ADPRM: variants seen among roughly 807,000 people sequenced by gnomAD.
The protein encoded by ADPRM is manganese-dependent ADP-ribose/CDP-alcohol diphosphatase.
In ADPRM, 17 loss-of-function variants were observed where a neutral mutation model predicts 27.2. The ratio of observed to expected loss-of-function variants is 0.63; its 90% CI spans 0.43 to 0.94. ADPRM has a LOEUF of 0.94. Among genes scored for constraint, ADPRM ranks in the 40% least tolerant of loss-of-function variants. ADPRM has a pLI of 0.00. For synonymous variants in ADPRM, 135 were observed against 145.3 expected, an observed-to-expected ratio of 0.93 and a Z score of 0.51; for missense variants, 337 against 412.8, an observed-to-expected ratio of 0.82 and a Z score of 1.59.
At position 10,697,816 on chromosome 17, in the gene ADPRM, C is replaced by CG. The variant is rs76701051; in HGVS notation, c.-18+149_-18+150insG. 1 allele frequency: 398,262 copies of CG among 398,268 alleles called. 199,128 individuals are homozygous for CG. The highest frequency in any genetic ancestry group is 1 in the Middle Eastern group (1,374 of 1,374). 24.7% of individuals were successfully genotyped at this position (398,268 alleles called of 1,614,324 possible). On this transcript the variant is annotated intron_variant, in intron 1 of 3. Coordinates refer to ENST00000379774, the MANE Select transcript of ADPRM (RefSeq NM_020233.5). ...GCAAGGCGGCCCCAAGCGCTGGGGGCCCCCGCTTTGGTCGTGGGCTTCGGT... is the reference window on the plus strand; with the variant it reads ...GCAAGGCGGCCCCAAGCGCTGGGGGCGCCCCGCTTTGGTCGTGGGCTTCGGT...
In ADPRM at chr17:10,711,059, A is replaced by G. The variant is rs750699218; in HGVS notation, c.944A>G (p.Tyr315Cys). 22 of 1,614,054 alleles carry G rather than the reference A, an allele frequency of 1.4e-5. No homozygotes were observed. The highest frequency in any genetic ancestry group is 1.1e-5 in the South Asian group (1 of 91,092). ...CAAGCCTTTGGCACAGTTCATGTCT[A>G]TCCTGACAAAATGATGTTGAAAGGG... is the stretch of plus-strand genomic sequence containing the variant. Reference protein sequence around the residue: ...DSQAFGTVHVYPDKMMLKGRG... With the variant: ...DSQAFGTVHVCPDKMMLKGRG... The change falls in exon 4 of 4, where the codon TAT (tyrosine) becomes TGT (cysteine). Residue 315 changes from tyrosine to cysteine, a missense_variant. Tyr to Cys is a radical substitution (Grantham distance 194, BLOSUM62 -2). Coordinates refer to ENST00000379774, the MANE Select transcript of ADPRM (RefSeq NM_020233.5).
In ADPRM at chr17:10,710,905, G is replaced by A. The variant is rs1349489070; in HGVS notation, c.790G>A (p.Val264Ile). 2 of 1,614,116 alleles carry A rather than the reference G, an allele frequency of 1.2e-6. No homozygotes were observed. The highest frequency in any genetic ancestry group is 3.3e-5 in the Admixed American group (2 of 60,012). Residue 264 changes from valine to isoleucine, a missense_variant, in exon 4 of 4, where the codon GTC (valine) becomes ATC (isoleucine). Coordinates refer to ENST00000379774, the MANE Select transcript of ADPRM (RefSeq NM_020233.5). ...LAWNYRDALAVIWSHECVVCF... is the reference protein window; with the variant it reads ...LAWNYRDALAIIWSHECVVCF... ...CTGGAACTACAGAGATGCCCTGGCA[G>A]TCATTTGGTCTCATGAGTGTGTGGT...
At position 10,705,432 on chromosome 17, in the gene ADPRM, G is replaced by C; in HGVS notation, c.506G>C (p.Ser169Thr). The change falls in exon 2 of 4, where the codon AGT becomes ACT. Residue 169 changes from serine (S) to threonine (T), a missense_variant. Physicochemically the swap from Ser to Thr is moderately conservative, Grantham distance 58 (BLOSUM62 1). Transcript: ENST00000379774. This position sits in a 1 kb window ranked among gnomAD's most constrained non-coding sequence, Gnocchi z 5.4. Reference protein sequence around the residue: ...RFILLDAYDLSVLGVDQSSPK... With the variant: ...RFILLDAYDLTVLGVDQSSPK... ...ATTTTACTTGATGCATATGACTTGA[G>C]TGTCTTGGGCGTGGATCAGTCTTCT... is the stretch of plus-strand genomic sequence containing the variant. 6.2e-7 allele frequency: 1 copy of C among 1,614,058 alleles called. No individual in the cohort carries two copies. The highest frequency in any genetic ancestry group is 1.6e-4 in the Middle Eastern group (1 of 6,062).
At chr17:10,707,481 C>A (rs2074820676) in intron 3 of ADPRM, among the ~76,000 whole-genome samples, 1 of 152,202 alleles carries the variant, frequency 6.6e-6, no homozygotes. Flanking sequence ...TATAAAGGAG[C>A]TTGACACCAC....
intron 3 of ADPRM, among the ~76,000 whole-genome samples, chr17:10,706,944 A>G (rs1215935024): frequency 1.3e-5 from 2 of 152,324 alleles, no homozygotes; most frequent in East Asian, 3.9e-4. Flanking sequence ...TTCCCCCAAC[A>G]TTAACATTTT....
At chr17:10,708,205 C>T (rs1394440163) in intron 3 of ADPRM, among the ~76,000 whole-genome samples, 2 of 151,976 alleles carry the variant, frequency 1.3e-5, no homozygotes, top group East Asian at 1.9e-4. Context: ...CTGAGGTGGG[C>T]AGATCATGAG....
chr17:10,708,320 TC>T, intron 3 of ADPRM, among the ~76,000 whole-genome samples: 1 of 150,708 alleles, frequency 6.6e-6, no homozygotes, highest in African/African-American at 2.4e-5. Flanking sequence ...TCCCAGCTAC[TC>T]GGGAGGCTGA....
In ADPRM at chr17:10,705,371, G is replaced by A; in HGVS notation, c.445G>A (p.Ala149Thr). 1.2e-6 allele frequency: 2 copies of A among 1,613,924 alleles called. No individual in the cohort carries two copies. Among genetic ancestry groups the A allele is most frequent in the Non-Finnish European group, 1.7e-6 (2 of 1,179,968 alleles). ...GACCATGCCTTCAGAAGATTATTAT[G>A]CTTATCATTTTGTACCATTCCCTAA... is the stretch of plus-strand genomic sequence containing the variant. ...PETMPSEDYY[A>T]YHFVPFPKFR... is the part of the protein sequence containing the mutation. The change falls in exon 2 of 4, where the codon GCT becomes ACT. Residue 149 changes from alanine (A) to threonine (T), a missense_variant. Physicochemically the swap from Ala to Thr is moderately conservative, Grantham distance 58. Coordinates refer to ENST00000379774, the MANE Select transcript of ADPRM (RefSeq NM_020233.5). The surrounding 1 kb of genome is among the most constrained non-coding windows in gnomAD (Gnocchi z 5.4).
chr17:10,710,813 CT>C lies in ADPRM; in HGVS notation c.719-19del, dbSNP rs1285136661. 6.2e-7 allele frequency: 1 copy of C among 1,605,058 alleles called. No individual in the cohort carries two copies. On this transcript the variant is annotated intron_variant, in intron 3 of 3. Transcript: ENST00000379774. ...GATATTTCTTAATTGGCTCATAACT[CT>C]TCTTTTCTTTAACTAACAGGCCATC...
rs2151462243 is a variant in ADPRM at position 10,702,204 on chromosome 17, A to G, written c.-17-2706A>G. Among the ~76,000 whole-genome samples, 1 of 152,338 alleles carries G rather than the reference A, an allele frequency of 6.6e-6. No individual in the cohort carries two copies. Among genetic ancestry groups the G allele is most frequent in the South Asian group, 2.1e-4 (1 of 4,828 alleles). On this transcript the variant is annotated intron_variant, in intron 1 of 3. Transcript: ENST00000379774. The surrounding 1 kb of genome is among the most constrained non-coding windows in gnomAD (Gnocchi z 4.2). ...GATACTAACCTTATTTTTAAAAGCC[A>G]TGTATATTCAACACTTTGGATCTCT...
intron 3 of ADPRM, among the ~76,000 whole-genome samples, chr17:10,708,027 AAG>A (rs772260199): frequency 2.1e-4 from 32 of 152,184 alleles, no homozygotes; most frequent in Non-Finnish European, 4.0e-4. Context: ...TGAGAGCTGG[AAG>A]GACAGGATGC....
Position 10,711,063 on chromosome 17 carries a change from T to C in ADPRM, c.948T>C (p.Pro316=), listed in dbSNP as rs1354663138. Residue 316 remains proline (P), a synonymous_variant, in exon 4 of 4, where the codon CCT becomes CCC. Transcript: ENST00000379774. ...CCTTTGGCACAGTTCATGTCTATCC[T>C]GACAAAATGATGTTGAAAGGGAGAG... ...SQAFGTVHVY[P]DKMMLKGRGR... 5.0e-6 allele frequency: 8 copies of C among 1,613,996 alleles called. No individual in the cohort carries two copies. The highest frequency in any genetic ancestry group is 6.8e-6 in the Non-Finnish European group (8 of 1,179,964).
At chr17:10,701,575 C>T (rs2074779132) in intron 1 of ADPRM, among the ~76,000 whole-genome samples, 1 of 152,164 alleles carries the variant, frequency 6.6e-6, no homozygotes, top group East Asian at 1.9e-4. Flanking sequence ...GTGATCCGCC[C>T]ACCTTGGCCT....
chr17:10,709,270 T>G (rs1417749800), intron 3 of ADPRM, among the ~76,000 whole-genome samples: 1 of 152,112 alleles, frequency 6.6e-6, no homozygotes, highest in East Asian at 1.9e-4. Context: ...CTACTAGACA[T>G]CAGTGGAGAT....
intron 3 of ADPRM, among the ~76,000 whole-genome samples, chr17:10,709,643 A>G (rs557098322): frequency 2.6e-5 from 4 of 152,162 alleles, no homozygotes; most frequent in East Asian, 1.9e-4. Flanking sequence ...AGATGAGTCA[A>G]TATGGCTTCG....
In ADPRM at chr17:10,702,119, CA is replaced by C. The variant is rs1567579466; in HGVS notation, c.-17-2787del. ...GAATGCTCAACTGTTAAGTATATTC[CA>C]AAATCTGAAAAAGTCCGAAATCTAA... On this transcript the variant is annotated intron_variant, in intron 1 of 3. Coordinates refer to ENST00000379774, the MANE Select transcript of ADPRM (RefSeq NM_020233.5). This position sits in a 1 kb window ranked among gnomAD's most constrained non-coding sequence, Gnocchi z 4.2. Among the ~76,000 whole-genome samples the C allele has an allele frequency of 6.6e-6, 1 of 152,142 alleles. No homozygotes were observed. The highest frequency in any genetic ancestry group is 2.1e-4 in the South Asian group (1 of 4,834).
At position 10,706,492 on chromosome 17, in the gene ADPRM, TA is replaced by T; in HGVS notation, c.659del (p.Asn220ThrfsTer3). The part of the protein sequence containing the change: ...QFNGGFSQEQ[L>X]NWLNEVLTFS... ...AATGGAGGATTCAGCCAAGAACAGC[TA>T]AACTGGTTGAATGAAGTGCTAACAT... On this transcript the variant is annotated frameshift_variant, in exon 3 of 4. Transcript: ENST00000379774. LOFTEE classifies it high-confidence loss of function. 6.2e-7 allele frequency: 1 copy of T among 1,600,894 alleles called. No individual in the cohort carries two copies. Among genetic ancestry groups the T allele is most frequent in the South Asian group, 1.1e-5 (1 of 87,608 alleles).
At position 10,710,916 on chromosome 17, in the gene ADPRM, TC is replaced by T; in HGVS notation, c.802del (p.His268MetfsTer29). On this transcript the variant is annotated frameshift_variant, in exon 4 of 4. Coordinates refer to ENST00000379774, the MANE Select transcript of ADPRM (RefSeq NM_020233.5). LOFTEE classifies it high-confidence loss of function. ...GAGATGCCCTGGCAGTCATTTGGTC[TC>T]ATGAGTGTGTGGTGTGTTTCTTTGC... ...YRDALAVIWS[H>X]ECVVCFFAGH... 1 of 1,614,214 alleles carries T rather than the reference TC, an allele frequency of 6.2e-7. No homozygotes were observed.
At chr17:10,708,333 G>A (rs2074827685) in intron 3 of ADPRM, among the ~76,000 whole-genome samples, 1 of 145,210 alleles carries the variant, frequency 6.9e-6, no homozygotes, top group Non-Finnish European at 1.5e-5. Context: ...GGAGGCTGAG[G>A]CAGGAGAATC....
Sources: allele counts gnomAD v4.1 joint callset (sites outside exome capture counted in the v4.1 genomes callset), GRCh38; gene constraint gnomAD v4.1.1; non-coding constraint Gnocchi (gnomAD v3.1); transcripts MANE v1.5; gene names NCBI Gene and HGNC (gene_info 2026-07-23, HGNC 2026-07-21).